PPIL3: variants seen among roughly 807,000 people sequenced by gnomAD.
PPIL3 encodes peptidyl-prolyl cis-trans isomerase-like 3.
A neutral mutation model predicts 20.9 loss-of-function variants in PPIL3; 13 were observed. The observed-to-expected ratio is 0.62, with a 90% CI of 0.40 to 0.99. The LOEUF (loss-of-function observed/expected upper bound fraction) is 0.99. Among genes scored for constraint, PPIL3 ranks in the 50% least tolerant of loss-of-function variants. PPIL3 has a pLI of 0.00. For missense variants in PPIL3, 170 were observed against 195.2 expected (o/e 0.87, Z 0.77); for synonymous variants, 71 against 64.4 (o/e 1.10, Z -0.49).
chr2:200,887,929 C>T (rs148324804), intron 1 of PPIL3, among the ~76,000 whole-genome samples: 1 of 151,776 alleles, frequency 6.6e-6, no homozygotes, highest in Non-Finnish European at 1.5e-5. Flanking sequence ...TGGTGGCAGG[C>T]GCCTGTAGTC....
chr2:200,879,141 C>T lies in PPIL3; in HGVS notation c.241-2104G>A, dbSNP rs374123679. On this transcript the variant is annotated intron_variant, in intron 5 of 6. Coordinates refer to ENST00000392283, the MANE Select transcript of PPIL3 (RefSeq NM_130906.3). ...ATAATGGTTCTTTTTTTTTTTTAGA[C>T]GGAGTCTCGCTCTGTCGCCCAGACT... is the stretch of plus-strand genomic sequence containing the variant. Among the ~76,000 whole-genome samples the T allele has an allele frequency of 5.5e-4, 83 of 150,876 alleles. 1 individual carries two copies. The South Asian group carries it at 0.013, about 23-fold the overall frequency.
intron 3 of PPIL3, 53 bp from the exon 4 acceptor site, chr2:200,882,488 CA>C (rs1026158852): frequency 1.9e-6 from 2 of 1,075,560 alleles, no homozygotes; most frequent in Non-Finnish European, 1.4e-6. Flanking sequence ...CCAGTTAAGA[CA>C]AAAAACCAAT....
At chr2:200,881,680 G>C (rs1371874666) in intron 4 of PPIL3, 192 bp from the exon 5 acceptor site, 56 of 531,782 alleles carry the variant, frequency 1.1e-4, no homozygotes, top group Non-Finnish European at 6.6e-6. Flanking sequence ...AAACAAAAAA[G>C]AATAACCCTC....
rs1188282351 is a variant in PPIL3, at chr2:200,882,381, T to G, written c.133A>C (p.Asn45His). The change falls in exon 4 of 7, where the codon AAT becomes CAT. Residue 45 changes from asparagine (N) to histidine (H), a missense_variant. By Grantham distance (68) the Asn-to-His change is moderately conservative. Transcript: ENST00000392283. Reference protein sequence around the residue: ...NYYNGCIFHRNIKGFMVQTGD... With the variant: ...NYYNGCIFHRHIKGFMVQTGD... ...GTTTGAACCATGAAACCCTTGATAT[T>G]CCTATGAAATATACAGCCATTGTAG... is the stretch of plus-strand genomic sequence containing the variant. The G allele has an allele frequency of 8.1e-6, 13 of 1,608,134 alleles. No homozygotes were observed. The highest frequency in any genetic ancestry group is 1.0e-5 in the Non-Finnish European group (12 of 1,174,586).
chr2:200,889,228 T>C, upstream of PPIL3: 1 of 352,088 alleles, frequency 2.8e-6, no homozygotes, highest in Non-Finnish European at 5.6e-6. Context: ...GGACAAGAAG[T>C]GTAAGGCGAA....
Position 200,877,057 on chromosome 2 carries a change from G to A in PPIL3, c.241-20C>T. 1 of 1,445,844 alleles carries A rather than the reference G, an allele frequency of 6.9e-7. No individual in the cohort carries two copies. Among genetic ancestry groups the A allele is most frequent in the Non-Finnish European group, 9.7e-7 (1 of 1,027,472 alleles). 89.6% of individuals were successfully genotyped at this position (1,445,844 alleles called of 1,614,324 possible). On this transcript the variant is annotated intron_variant, in intron 5 of 6. Transcript: ENST00000392283. Reference sequence around the variant, plus strand: ...ATTGTGCTGAAAAAGACACATCAAAGTATTAACTGTGTTTTTATATAACCA... The same window carrying A: ...ATTGTGCTGAAAAAGACACATCAAAATATTAACTGTGTTTTTATATAACCA...
rs558103281 is a variant in PPIL3 at position 200,884,498 on chromosome 2, G to A, written c.78+1200C>T. On this transcript the variant is annotated intron_variant, in intron 3 of 6. Transcript: ENST00000392283. ...CACGCCTATAATTCCAATACTTCAG[G>A]AAGCTGAGATGGGACGATGGCTGGA... Among the ~76,000 whole-genome samples, 5 of 152,290 alleles carry A rather than the reference G, an allele frequency of 3.3e-5. No homozygotes were observed. In the East Asian group the frequency reaches 9.6e-4, roughly 29 times the overall value.
intron 3 of PPIL3, among the ~76,000 whole-genome samples, chr2:200,882,651 G>A (rs894657285): frequency 2.0e-5 from 3 of 152,034 alleles, no homozygotes; most frequent in African/African-American, 7.2e-5. Context: ...GGCTAACGCC[G>A]GTAATCCCAG....
chr2:200,886,310 T>C (rs1386054039), intron 2 of PPIL3, among the ~76,000 whole-genome samples: 6 of 152,208 alleles, frequency 3.9e-5, no homozygotes, highest in Admixed American at 3.9e-4. Flanking sequence ...ACCACAGTGC[T>C]TTCTTGCTTG....
At chr2:200,876,206 A>G (rs76207293) in intron 6 of PPIL3, among the ~76,000 whole-genome samples, 3,347 of 151,124 alleles carry the variant, frequency 0.022, 66 homozygotes, top group Non-Finnish European at 0.034. Context: ...GTTACTCAAG[A>G]GGCTGAGGTG....
intron 6 of PPIL3, 27 bp downstream of exon 6, chr2:200,876,892 A>G: frequency 1.3e-6 from 2 of 1,509,620 alleles, no homozygotes; most frequent in Non-Finnish European, 1.8e-6. Flanking sequence ...TGAAATGCTA[A>G]AAGAAAACCA....
intron 6 of PPIL3, among the ~76,000 whole-genome samples, chr2:200,874,015 C>T (rs1347024959): frequency 6.6e-6 from 1 of 151,230 alleles, no homozygotes; most frequent in African/African-American, 2.4e-5. Flanking sequence ...ACCATCCTGG[C>T]TAACATGGTG....
chr2:200,887,690 T>A lies in PPIL3; in HGVS notation c.-70-5A>T. Reference sequence around the variant, plus strand: ...AGCGAGCTCAAAAATAAGTCTCTAGTCCCAAAAGAAAAAAAGAATTAGGCT... The same window carrying A: ...AGCGAGCTCAAAAATAAGTCTCTAGACCCAAAAGAAAAAAAGAATTAGGCT... On this transcript the variant is annotated splice_polypyrimidine_tract_variant and splice_region_variant and intron_variant, in intron 1 of 6. Coordinates refer to ENST00000392283, the MANE Select transcript of PPIL3 (RefSeq NM_130906.3). 8.0e-7 allele frequency: 1 copy of A among 1,256,880 alleles called. No individual in the cohort carries two copies. Among genetic ancestry groups the A allele is most frequent in the Non-Finnish European group, 1.1e-6 (1 of 893,582 alleles). 77.9% of individuals were successfully genotyped at this position (1,256,880 alleles called of 1,614,324 possible).
rs561798296 is a variant in PPIL3, at chr2:200,871,337, A to C, written c.*58T>G. 6.6e-7 allele frequency: 1 copy of C among 1,513,312 alleles called. No individual in the cohort carries two copies. The highest frequency in any genetic ancestry group is 9.0e-7 in the Non-Finnish European group (1 of 1,110,318). 93.7% of individuals were successfully genotyped at this position (1,513,312 alleles called of 1,614,324 possible). ...ATCTCTGACATAATTAAAACCGGGT[A>C]AACCACAATAAGTGTGTTCCAGCAA... On this transcript the variant is annotated 3_prime_UTR_variant, in exon 7 of 7. Transcript: ENST00000392283.
intron 2 of PPIL3, among the ~76,000 whole-genome samples, chr2:200,887,199 A>C (rs768839275): frequency 1.3e-5 from 2 of 152,046 alleles, no homozygotes; most frequent in Non-Finnish European, 2.9e-5. Context: ...AGTCTGCCCA[A>C]AATGGCGAAA....
At chr2:200,875,517 T>C (rs950479131) in intron 6 of PPIL3, among the ~76,000 whole-genome samples, 6 of 151,926 alleles carry the variant, frequency 3.9e-5, no homozygotes, top group East Asian at 1.9e-4. Flanking sequence ...CTGCCCTCCT[T>C]GGCCTCCCAA....
At position 200,879,279 on chromosome 2, in the gene PPIL3, T is replaced by C. The variant is rs937779991; in HGVS notation, c.240+2142A>G. ...GACTACAGGCACCCACCACCACACC[T>C]GGCTAATTTTTTGTATTTTTTGGCA... On this transcript the variant is annotated intron_variant, in intron 5 of 6. Coordinates refer to ENST00000392283, the MANE Select transcript of PPIL3 (RefSeq NM_130906.3). 7.9e-5 allele frequency among the ~76,000 whole-genome samples: 12 copies of C among 152,074 alleles called. No homozygotes were observed. The East Asian group carries it at 2.1e-3, about 27-fold the overall frequency.
Position 200,871,452 on chromosome 2 carries a change from A to G in PPIL3, c.429T>C (p.Pro143=). 1 of 1,607,820 alleles carries G rather than the reference A, an allele frequency of 6.2e-7. No individual in the cohort carries two copies. The highest frequency in any genetic ancestry group is 8.5e-7 in the Non-Finnish European group (1 of 1,174,394). The stretch of plus-strand genomic sequence containing the variant: ...TGTCCTTAATGTGTACATCATTAAG[A>G]GGTCGGTATGTCTTCTCATTTACTG... ...KLPVNEKTYR[P]LNDVHIKDIT... Residue 143 remains proline, a synonymous_variant, in exon 7 of 7, where the codon CCT becomes CCC. Coordinates refer to ENST00000392283, the MANE Select transcript of PPIL3 (RefSeq NM_130906.3).
At chr2:200,872,849 G>C (rs1176830885) in intron 6 of PPIL3, among the ~76,000 whole-genome samples, 1 of 151,684 alleles carries the variant, frequency 6.6e-6, no homozygotes, top group Non-Finnish European at 1.5e-5. Context: ...GAGTCCTAAA[G>C]TAGGTGACCA....
Sources: gnomAD v4.1 joint callset for allele counts (sites outside exome capture counted in the v4.1 genomes callset) on GRCh38, gnomAD v4.1.1 for gene constraint, MANE v1.5 for transcripts, NCBI Gene and HGNC (gene_info 2026-07-23, HGNC 2026-07-21) for gene names.